Variants in OSBPL3 observed in about 807,000 individuals in gnomAD.
OSBPL3 encodes oxysterol binding protein like 3.
A neutral mutation model predicts 120.1 loss-of-function variants in OSBPL3; 65 were observed. That is an observed-to-expected ratio of 0.54 (90% CI 0.44 to 0.67). The LOEUF (loss-of-function observed/expected upper bound fraction) is 0.67, where lower values mean the gene tolerates loss of function less well. OSBPL3 is among the 30% of genes least tolerant of loss of function. The pLI is 0.00. For missense variants in OSBPL3, 1,004 were observed against 1,082.1 expected, an observed-to-expected ratio of 0.93 and a Z score of 1.01; for synonymous variants, 416 against 402.6, an observed-to-expected ratio of 1.03 and a Z score of -0.40.
intron 5 of OSBPL3, among the ~76,000 whole-genome samples, chr7:24,870,372 T>TTA (rs1249054656): frequency 1.3e-5 from 2 of 152,188 alleles, no homozygotes; most frequent in Admixed American, 6.5e-5. Flanking sequence ...GGCCTAAATG[T>TTA]TACATATATA....
intron 19 of OSBPL3, among the ~76,000 whole-genome samples, chr7:24,811,374 T>C (rs1029686239): frequency 6.6e-6 from 1 of 152,230 alleles, no homozygotes; most frequent in South Asian, 2.1e-4. Flanking sequence ...ATCTGATTGT[T>C]TTCTTGCTAT....
Position 24,896,284 on chromosome 7 carries a change from A to G in OSBPL3, c.-149-3663T>C, listed in dbSNP as rs115385314. Among the ~76,000 whole-genome samples, 2,289 of 152,356 alleles carry G rather than the reference A, an allele frequency of 0.015. 61 individuals carry two copies. The highest frequency in any genetic ancestry group is 0.052 in the African/African-American group (2,143 of 41,574). On this transcript the variant is annotated intron_variant, in intron 1 of 22. Transcript: ENST00000313367. This position sits in a 1 kb window ranked among gnomAD's most constrained non-coding sequence, Gnocchi z 4.4. ...CCAAAACCAACACGTGTCAAACACCAGATGCACTTGTGTCAGTTCAAAAAT... is the reference window on the plus strand; with the variant it reads ...CCAAAACCAACACGTGTCAAACACCGGATGCACTTGTGTCAGTTCAAAAAT...
rs1290355918 is a variant in OSBPL3, at chr7:24,930,928, A to AT, written c.-149-38308_-149-38307insA. ...ACATACATGGTAGAATGTGAAGATG[A>AT]CTTTTTTAATTCCAAAAATTATTTA... On this transcript the variant is annotated intron_variant, in intron 1 of 22. Transcript: ENST00000313367. The surrounding 1 kb of genome is among the most constrained non-coding windows in gnomAD (Gnocchi z 4.4). 6.6e-6 allele frequency among the ~76,000 whole-genome samples: 1 copy of AT among 152,206 alleles called. No homozygotes were observed. Among genetic ancestry groups the AT allele is most frequent in the Non-Finnish European group, 1.5e-5 (1 of 68,036 alleles).
chr7:24,856,132 G>A (rs1273446201), intron 10 of OSBPL3, among the ~76,000 whole-genome samples: 2 of 152,180 alleles, frequency 1.3e-5, no homozygotes, highest in African/African-American at 4.8e-5. Context: ...TGGCATCTGC[G>A]ATGATTCATC....
intron 19 of OSBPL3, chr7:24,810,423 T>TGA (rs1488770479): frequency 1.3e-5 from 2 of 153,116 alleles, no homozygotes; most frequent in Non-Finnish European, 2.9e-5. Flanking sequence ...CTCGGGAGGC[T>TGA]GAGGCAGGAG....
intron 16 of OSBPL3, among the ~76,000 whole-genome samples, chr7:24,823,219 G>C (rs1015389890): frequency 6.6e-6 from 1 of 152,056 alleles, no homozygotes; most frequent in African/African-American, 2.4e-5. Flanking sequence ...GTGAAATAAG[G>C]CTGATTCCAC....
At chr7:24,825,640 T>A (rs189038112) in intron 16 of OSBPL3, among the ~76,000 whole-genome samples, 1 of 152,238 alleles carries the variant, frequency 6.6e-6, no homozygotes, top group Non-Finnish European at 1.5e-5. Context: ...TTTGACAGTA[T>A]CTTTACTTAT....
chr7:24,820,343 A>C lies in OSBPL3; in HGVS notation c.1885-105T>G, dbSNP rs7810587. 0.18 allele frequency: 142,399 copies of C among 803,514 alleles called. 18,419 individuals are homozygous for C. Among genetic ancestry groups the C allele is most frequent in the East Asian group, 0.5 (18,044 of 35,962 alleles). 49.8% of individuals were successfully genotyped at this position (803,514 alleles called of 1,614,324 possible). On this transcript the variant is annotated intron_variant, in intron 16 of 22. Transcript: ENST00000313367. This position sits in a 1 kb window ranked among gnomAD's most constrained non-coding sequence, Gnocchi z 4.6. ...TGAGATGTAACAGCGTGCAATGCTG[A>C]ACTGAAGGAAAAACTTCTTTAGTTT... is the stretch of plus-strand genomic sequence containing the variant.
At position 24,805,131 on chromosome 7, in the gene OSBPL3, GGTGA is replaced by G. The variant is rs1211355215; in HGVS notation, c.2445-698_2445-695del. On this transcript the variant is annotated intron_variant, in intron 21 of 22. Transcript: ENST00000313367. The surrounding 1 kb of genome is among the most constrained non-coding windows in gnomAD (Gnocchi z 4.0). ...TAGAAGTGAAATTGCTGGATGAAAG[GGTGA>G]GTGTGTAATTTATATATTACTGAAC... Among the ~76,000 whole-genome samples, 2 of 152,094 alleles carry G rather than the reference GGTGA, an allele frequency of 1.3e-5. No individual in the cohort carries two copies. The highest frequency in any genetic ancestry group is 1.9e-4 in the East Asian group (1 of 5,192).
chr7:24,814,399 C>T (rs1181253357), intron 19 of OSBPL3, among the ~76,000 whole-genome samples: 2 of 151,526 alleles, frequency 1.3e-5, no homozygotes, highest in African/African-American at 4.9e-5. Flanking sequence ...CAGGCTTCAA[C>T]TCTGAGAAAG....
At chr7:24,850,284 G>A (rs1001218574) in intron 11 of OSBPL3, among the ~76,000 whole-genome samples, 8 of 152,144 alleles carry the variant, frequency 5.3e-5, no homozygotes, top group African/African-American at 1.9e-4. Flanking sequence ...TTTCCTTCAC[G>A]CTGATACTCC....
chr7:24,853,378 A>G (rs1391316447), intron 10 of OSBPL3, among the ~76,000 whole-genome samples: 1 of 152,260 alleles, frequency 6.6e-6, no homozygotes, highest in Non-Finnish European at 1.5e-5. Context: ...GAATTTGATC[A>G]TGAGCAAACA....
At chr7:24,811,410 T>A (rs1168669195) in intron 19 of OSBPL3, among the ~76,000 whole-genome samples, 2 of 152,272 alleles carry the variant, frequency 1.3e-5, no homozygotes, top group East Asian at 3.8e-4. Context: ...TTTTTTATAT[T>A]AACCTCTTAT....
At chr7:24,909,783 C>CTTTCTTTT (rs1562916091) in intron 1 of OSBPL3, among the ~76,000 whole-genome samples, 1 of 77,294 alleles carries the variant, frequency 1.3e-5, no homozygotes, top group African/African-American at 5.4e-5. Context: ...TTTTTTCTTT[C>CTTTCTTTT]TTTTTTTTTT....
At position 24,918,791 on chromosome 7, in the gene OSBPL3, C is replaced by T. The variant is rs1810035274; in HGVS notation, c.-149-26170G>A. ...TCCTATGATGACCCTGGAGAAAATA[C>T]TTTCTAAATGGAAGAAGAATGATTT... On this transcript the variant is annotated intron_variant, in intron 1 of 22. Coordinates refer to ENST00000313367, the MANE Select transcript of OSBPL3 (RefSeq NM_015550.4). The surrounding 1 kb of genome is among the most constrained non-coding windows in gnomAD (Gnocchi z 4.3). 6.6e-6 allele frequency among the ~76,000 whole-genome samples: 1 copy of T among 152,122 alleles called. No individual in the cohort carries two copies. Among genetic ancestry groups the T allele is most frequent in the Admixed American group, 6.5e-5 (1 of 15,274 alleles).
chr7:24,830,292 T>A lies in OSBPL3; in HGVS notation c.1884+476A>T, dbSNP rs1417545590. ...CTGGAACAGTGGCAGGCACATGGTA[T>A]ACGTTCTAGAAATAATTTATTGATG... On this transcript the variant is annotated intron_variant, in intron 16 of 22. Coordinates refer to ENST00000313367, the MANE Select transcript of OSBPL3 (RefSeq NM_015550.4). This position sits in a 1 kb window ranked among gnomAD's most constrained non-coding sequence, Gnocchi z 4.4. Among the ~76,000 whole-genome samples, 3 of 152,122 alleles carry A rather than the reference T, an allele frequency of 2.0e-5. No individual in the cohort carries two copies. Among genetic ancestry groups the A allele is most frequent in the Non-Finnish European group, 4.4e-5 (3 of 68,030 alleles).
rs1048560457 is a variant in OSBPL3 at position 24,899,559 on chromosome 7, G to A, written c.-149-6938C>T. ...TTCTGGAGACCAATGGTCACTGGCT[G>A]ACTTCTTTGTTACGGCATACATAGA... On this transcript the variant is annotated intron_variant, in intron 1 of 22. Transcript: ENST00000313367. The surrounding 1 kb of genome is among the most constrained non-coding windows in gnomAD (Gnocchi z 4.0). Among the ~76,000 whole-genome samples, 1 of 152,070 alleles carries A rather than the reference G, an allele frequency of 6.6e-6. No homozygotes were observed. The highest frequency in any genetic ancestry group is 2.4e-5 in the African/African-American group (1 of 41,394).
intron 1 of OSBPL3, among the ~76,000 whole-genome samples, chr7:24,956,539 T>C (rs1815073091): frequency 6.6e-6 from 1 of 152,378 alleles, no homozygotes; most frequent in Non-Finnish European, 1.5e-5. Context: ...ATAGCTTCAC[T>C]ATCAAATGGC....
At chr7:24,979,157 A>G (rs759773793) in intron 1 of OSBPL3, among the ~76,000 whole-genome samples, 7 of 152,210 alleles carry the variant, frequency 4.6e-5, no homozygotes, top group South Asian at 2.1e-4. Context: ...ACGTTCAGAC[A>G]GAGTGCATAA....
Sources: gnomAD v4.1 joint callset for allele counts (sites outside exome capture counted in the v4.1 genomes callset) on GRCh38, gnomAD v4.1.1 for gene constraint, Gnocchi (gnomAD v3.1) non-coding constraint, MANE v1.5 for transcripts, NCBI Gene and HGNC (gene_info 2026-07-23, HGNC 2026-07-21) for gene names.